The following FAM83G variants were observed in gnomAD, a reference collection of about 807,000 sequenced individuals.
FAM83G encodes scaffolding CK1 anchoring protein G.
FAM83G carries 38 observed loss-of-function variants against 61.5 expected under a neutral mutation model. That is an observed-to-expected ratio of 0.62 (90% confidence interval 0.48 to 0.81). The LOEUF (loss-of-function observed/expected upper bound fraction) is 0.81, where lower values mean the gene tolerates loss of function less well. Ranked by LOEUF, FAM83G falls within the 30% of genes least tolerant of loss-of-function variation. The pLI is 0.00. For synonymous variants in FAM83G, 470 were observed against 476.1 expected (o/e 0.99, Z 0.17); for missense variants, 989 against 1,133.6 (o/e 0.87, Z 1.83).
chr17:18,996,283 T>A lies in FAM83G; in HGVS notation c.522+7237A>T, dbSNP rs2152137270. ...ACTCCCTCCTCCAGCTGCAACCCCC[T>A]CCTCCAGCAGCACGGTTGGGACAGA... On this transcript the variant is annotated intron_variant, in intron 2 of 5. Transcript: ENST00000388995. This position sits in a 1 kb window ranked among gnomAD's most constrained non-coding sequence, Gnocchi z 4.4. Among the ~76,000 whole-genome samples the A allele has an allele frequency of 6.6e-6, 1 of 152,164 alleles. No individual in the cohort carries two copies. Among genetic ancestry groups the A allele is most frequent in the South Asian group, 2.1e-4 (1 of 4,814 alleles).
At position 18,971,788 on chromosome 17, in the gene FAM83G, G is replaced by A; in HGVS notation, c.2083-40C>T. ...GCAGAGAGTGAGGCTGAGCAAGAAGGGCCAACCCCGCCCCAGCACAGGACC... is the reference window on the plus strand; with the variant it reads ...GCAGAGAGTGAGGCTGAGCAAGAAGAGCCAACCCCGCCCCAGCACAGGACC... On this transcript the variant is annotated intron_variant, in intron 5 of 5. Coordinates refer to ENST00000388995, the MANE Select transcript of FAM83G (RefSeq NM_001039999.3). The surrounding 1 kb of genome is among the most constrained non-coding windows in gnomAD (Gnocchi z 5.5). 2.0e-6 allele frequency: 3 copies of A among 1,521,926 alleles called. No homozygotes were observed. Among genetic ancestry groups the A allele is most frequent in the South Asian group, 2.6e-5 (2 of 76,102 alleles). 94.3% of individuals were successfully genotyped at this position (1,521,926 alleles called of 1,614,324 possible).
In FAM83G at chr17:18,969,535, G is replaced by T. The variant is rs1031911852; in HGVS notation, c.*1824C>A. The T allele has an allele frequency of 9.8e-6, 10 of 1,017,436 alleles. No individual in the cohort carries two copies. Among genetic ancestry groups the T allele is most frequent in the Non-Finnish European group, 1.3e-5 (9 of 688,482 alleles). 63.0% of individuals were successfully genotyped at this position (1,017,436 alleles called of 1,614,324 possible). ...TGCCGTTGGGGTTCTGGGTAGCATC[G>T]CTGGGAGTGGGTGGGTTCAGGAGGT... On this transcript the variant is annotated 3_prime_UTR_variant, in exon 6 of 6. Coordinates refer to ENST00000388995, the MANE Select transcript of FAM83G (RefSeq NM_001039999.3).
In FAM83G at chr17:19,000,414, G is replaced by A. The variant is rs2043700568; in HGVS notation, c.522+3106C>T. On this transcript the variant is annotated intron_variant, in intron 2 of 5. Coordinates refer to ENST00000388995, the MANE Select transcript of FAM83G (RefSeq NM_001039999.3). This position sits in a 1 kb window ranked among gnomAD's most constrained non-coding sequence, Gnocchi z 5.2. ...GGAGAGGAGCTGGGGCTTGTTCCAG[G>A]TCCCACAGTCAGGCAGAGGCAGAGC... Among the ~76,000 whole-genome samples the A allele has an allele frequency of 6.6e-6, 1 of 152,196 alleles. No individual in the cohort carries two copies.
At position 18,979,565 on chromosome 17, in the gene FAM83G, C is replaced by A; in HGVS notation, c.799G>T (p.Val267Leu). 1 of 1,613,402 alleles carries A rather than the reference C, an allele frequency of 6.2e-7. No homozygotes were observed. The highest frequency in any genetic ancestry group is 8.5e-7 in the Non-Finnish European group (1 of 1,179,992). The change falls in exon 4 of 6, where the codon GTG becomes TTG. Residue 267 changes from valine (V) to leucine (L), a missense_variant. Val to Leu is a conservative substitution (Grantham distance 32). Around this residue, in one of 3 missense-constraint regions of FAM83G, gnomAD observed 371 missense variants for 404.5 expected, o/e 0.92. Coordinates refer to ENST00000388995, the MANE Select transcript of FAM83G (RefSeq NM_001039999.3). ...GAGAGTCACCTGTAGGAGCCGCACA[C>A]AGCCCGGTCTCCATCCACAAACATG... ...KFMFVDGDRA[V>L]CGSYSFTWSA...
intron 2 of FAM83G, among the ~76,000 whole-genome samples, chr17:18,998,278 G>C (rs1428179944): frequency 6.6e-6 from 1 of 152,244 alleles, no homozygotes; most frequent in Non-Finnish European, 1.5e-5. Flanking sequence ...GTCTATCACT[G>C]CGTCAAGACA....
chr17:18,984,090 C>T (rs1217223830), intron 3 of FAM83G, among the ~76,000 whole-genome samples: 4 of 152,188 alleles, frequency 2.6e-5, no homozygotes, highest in Non-Finnish European at 5.9e-5. Context: ...CGCCTGTAAT[C>T]CCCGCACTTT....
Position 18,978,147 on chromosome 17 carries a change from G to T in FAM83G, c.1519C>A (p.Pro507Thr), listed in dbSNP as rs1443156558. 4 of 1,530,022 alleles carry T rather than the reference G, an allele frequency of 2.6e-6. No homozygotes were observed. The highest frequency in any genetic ancestry group is 1.8e-4 in the Middle Eastern group (1 of 5,672). 94.8% of individuals were successfully genotyped at this position (1,530,022 alleles called of 1,614,324 possible). The change falls in exon 5 of 6, where the codon CCC (proline) becomes ACC (threonine). Residue 507 changes from proline (P) to threonine (T), a missense_variant. Coordinates refer to ENST00000388995, the MANE Select transcript of FAM83G (RefSeq NM_001039999.3). ...ACATCTGCCACAGGGACTGTCCGGG[G>T]CTTGGGCACGGGGGGCAATGGCTCA... ...DPEPLPPVPK[P>T]RTVPVADVLA...
rs868244855 is a variant in FAM83G, at chr17:18,971,378, C to T, written c.2453G>A (p.Arg818Gln). The change falls in exon 6 of 6, where the codon CGG becomes CAG. Residue 818 changes from arginine to glutamine, a missense_variant. Physicochemically the swap from Arg to Gln is conservative, Grantham distance 43. This residue lies in a region of FAM83G where 574 missense variants were observed against 645.1 expected (regional missense o/e 0.89). Transcript: ENST00000388995. The surrounding 1 kb of genome is among the most constrained non-coding windows in gnomAD (Gnocchi z 5.5). The stretch of plus-strand genomic sequence containing the variant: ...ATGCTGCTAGGGGTCTTTGCGGTCC[C>T]GGGGGGCTTGAGCCCTCCGTTTAGA... ...SDSKRRAQAPRDRKDP is the reference protein window; with the variant it reads ...SDSKRRAQAPQDRKDP 21 of 1,600,016 alleles carry T rather than the reference C, an allele frequency of 1.3e-5. No homozygotes were observed. The African/African-American group carries it at 1.8e-4, about 14-fold the overall frequency.
Position 19,003,543 on chromosome 17 carries a change from T to G in FAM83G, c.499A>C (p.Lys167Gln), listed in dbSNP as rs1345091134. ...GQAHIKEVVR[K>Q]MISQAQKVIA... is the part of the protein sequence containing the mutation. ...ACCTTCTGTGCCTGGCTGATCATCT[T>G]CCGCACCACCTCTTTGATGTGGGCC... is the stretch of plus-strand genomic sequence containing the variant. The change falls in exon 2 of 6, where the codon AAG (lysine) becomes CAG (glutamine). Residue 167 changes from lysine (K) to glutamine (Q), a missense_variant. By Grantham distance (53) the Lys-to-Gln change is moderately conservative (BLOSUM62 1). Coordinates refer to ENST00000388995, the MANE Select transcript of FAM83G (RefSeq NM_001039999.3). This position sits in a 1 kb window ranked among gnomAD's most constrained non-coding sequence, Gnocchi z 4.5. The G allele has an allele frequency of 6.5e-7, 1 of 1,547,578 alleles. No individual in the cohort carries two copies. The highest frequency in any genetic ancestry group is 2.0e-5 in the Admixed American group (1 of 50,044).
At position 19,003,753 on chromosome 17, in the gene FAM83G, C is replaced by T; in HGVS notation, c.289G>A (p.Asp97Asn). The change falls in exon 2 of 6, where the codon GAC becomes AAC. Residue 97 changes from aspartate (D) to asparagine (N), a missense_variant. By Grantham distance (23) the Asp-to-Asn change is conservative. This residue lies in a region of FAM83G where 371 missense variants were observed against 404.5 expected (regional missense o/e 0.92). Transcript: ENST00000388995. The surrounding 1 kb of genome is among the most constrained non-coding windows in gnomAD (Gnocchi z 4.5). ...SQGPEDNGVG[D>N]GEEASGADGV... ...TCCGCCCCGCTGGCTTCCTCGCCGTCGCCGACCCCATTGTCCTCGGGCCCC... is the reference window on the plus strand; with the variant it reads ...TCCGCCCCGCTGGCTTCCTCGCCGTTGCCGACCCCATTGTCCTCGGGCCCC... 1 of 1,606,476 alleles carries T rather than the reference C, an allele frequency of 6.2e-7. No individual in the cohort carries two copies. Among genetic ancestry groups the T allele is most frequent in the Non-Finnish European group, 8.5e-7 (1 of 1,176,602 alleles).
intron 2 of FAM83G, among the ~76,000 whole-genome samples, chr17:18,992,971 T>G (rs2043466621): frequency 6.6e-6 from 1 of 152,172 alleles, no homozygotes; most frequent in Non-Finnish European, 1.5e-5. Context: ...CTAGCCTTCC[T>G]GTGACCACAG....
rs748331993 is a variant in FAM83G at position 18,971,689 on chromosome 17, G to A, written c.2142C>T (p.Phe714=). The change falls in exon 6 of 6, where the codon TTC becomes TTT. Residue 714 remains phenylalanine (F), a synonymous_variant. Coordinates refer to ENST00000388995, the MANE Select transcript of FAM83G (RefSeq NM_001039999.3). The surrounding 1 kb of genome is among the most constrained non-coding windows in gnomAD (Gnocchi z 5.5). ...CAGAGCGGTACCTAGGGGGTCCTGG[G>A]AAGCCGTCTTTATCCCTAGTCCCTG... ...PASGTRDKDG[F]PGPPRYRSAA... The A allele has an allele frequency of 1.3e-5, 21 of 1,608,470 alleles. No individual in the cohort carries two copies. Among genetic ancestry groups the A allele is most frequent in the Middle Eastern group, 3.3e-4 (2 of 6,040 alleles).
rs778828313 is a variant in FAM83G, at chr17:18,976,903, C to T, written c.2082+681G>A. ...GCCCGGGACCTGAACCATGCCAAGG[C>T]GGGCTCCATCCTGGCCAGCTACCTC... On this transcript the variant is annotated intron_variant, in intron 5 of 5. Transcript: ENST00000388995. The T allele has an allele frequency of 1.4e-5, 22 of 1,613,540 alleles. No individual in the cohort carries two copies. The highest frequency in any genetic ancestry group is 1.3e-4 in the Admixed American group (8 of 60,002).
intron 2 of FAM83G, among the ~76,000 whole-genome samples, chr17:18,992,872 G>A (rs2152133956): frequency 6.6e-6 from 1 of 152,276 alleles, no homozygotes; most frequent in Non-Finnish European, 1.5e-5. Context: ...AAGTGCTGGT[G>A]GCCGCCCTCT....
At chr17:18,998,520 AT>A (rs2043628378) in intron 2 of FAM83G, among the ~76,000 whole-genome samples, 2 of 152,214 alleles carry the variant, frequency 1.3e-5, no homozygotes, top group African/African-American at 4.8e-5. Flanking sequence ...CAGCTGTGAT[AT>A]GAACATGACG....
intron 5 of FAM83G, 147 bp downstream of exon 5, chr17:18,977,437 C>T (rs1450721755): frequency 2.5e-6 from 2 of 811,890 alleles, no homozygotes; most frequent in Non-Finnish European, 3.8e-6. Flanking sequence ...CCCACCCCTG[C>T]CTGTTCATCA....
In FAM83G at chr17:19,003,876, G is replaced by C; in HGVS notation, c.166C>G (p.Arg56Gly). 6.2e-7 allele frequency: 1 copy of C among 1,613,064 alleles called. No individual in the cohort carries two copies. The highest frequency in any genetic ancestry group is 8.5e-7 in the Non-Finnish European group (1 of 1,179,942). ...AGCTCCAGCTCCGAGAGGAAGTCTC[G>C]GATGTTCTCCCGCTTGAGCACCTCG... is the stretch of plus-strand genomic sequence containing the variant. ...FYEVLKRENI[R>G]DFLSELELKR... is the part of the protein sequence containing the mutation. Residue 56 changes from arginine to glycine, a missense_variant, in exon 2 of 6, where the codon CGA (arginine) becomes GGA (glycine). Transcript: ENST00000388995. This position sits in a 1 kb window ranked among gnomAD's most constrained non-coding sequence, Gnocchi z 4.5.
chr17:18,971,586 C>T lies in FAM83G; in HGVS notation c.2245G>A (p.Gly749Ser). Reference protein sequence around the residue: ...AGPHHWQAKGGQVPRLLPDPG... With the variant: ...AGPHHWQAKGSQVPRLLPDPG... ...TCCGGAAGCAGGCGGGGTACCTGACCTCCCTTGGCCTGCCAGTGGTGGGGG... is the reference window on the plus strand; with the variant it reads ...TCCGGAAGCAGGCGGGGTACCTGACTTCCCTTGGCCTGCCAGTGGTGGGGG... The change falls in exon 6 of 6, where the codon GGT (glycine) becomes AGT (serine). Residue 749 changes from glycine (G) to serine (S), a missense_variant. This residue lies in a region of FAM83G where 574 missense variants were observed against 645.1 expected (regional missense o/e 0.89). Transcript: ENST00000388995. The surrounding 1 kb of genome is among the most constrained non-coding windows in gnomAD (Gnocchi z 5.5). The T allele has an allele frequency of 6.2e-7, 1 of 1,613,584 alleles. No individual in the cohort carries two copies. The highest frequency in any genetic ancestry group is 8.5e-7 in the Non-Finnish European group (1 of 1,180,014).
intron 3 of FAM83G, among the ~76,000 whole-genome samples, chr17:18,986,747 TG>T: frequency 2.0e-5 from 3 of 152,178 alleles, no homozygotes; most frequent in Non-Finnish European, 2.9e-5. Flanking sequence ...GTCTGCACGC[TG>T]GGGGAAGTGC....
Sources: gnomAD v4.1 joint callset for allele counts (sites outside exome capture counted in the v4.1 genomes callset) on GRCh38, gnomAD v4.1.1 for gene constraint, gnomAD v4.1.1 regional missense constraint, Gnocchi (gnomAD v3.1) non-coding constraint, MANE v1.5 for transcripts, NCBI Gene and HGNC (gene_info 2026-07-23, HGNC 2026-07-21) for gene names.